The following IQCM variants were observed in gnomAD, a reference collection of about 807,000 sequenced individuals.
IQCM encodes the protein IQ domain-containing protein M.
IQCM carries 45 observed loss-of-function variants against 57.6 expected under a neutral mutation model. That is an observed-to-expected ratio of 0.78 (90% CI 0.62 to 1.00). The LOEUF is 1.00. IQCM is among the 50% of genes least tolerant of loss of function. The probability of loss-of-function intolerance (pLI) is 0.00; values close to 1 mark genes in which losing one functional copy is unlikely to be tolerated. For missense variants in IQCM, 468 were observed against 511.6 expected (o/e 0.91, Z 0.82); for synonymous variants, 148 against 158.9 (o/e 0.93, Z 0.51).
At position 149,686,634 on chromosome 4, in the gene IQCM, C is replaced by T. The variant is rs527986922; in HGVS notation, c.386-166G>A. Reference sequence around the variant, plus strand: ...AATCACAGCTGAGTAGTTTTCTTCACTCCATGCTACTCAGATGCTTTGCAA... The same window carrying T: ...AATCACAGCTGAGTAGTTTTCTTCATTCCATGCTACTCAGATGCTTTGCAA... On this transcript the variant is annotated intron_variant, in intron 5 of 13. Transcript: ENST00000636793. Among the ~76,000 whole-genome samples the T allele has an allele frequency of 2.2e-4, 34 of 151,634 alleles. 1 individual carries two copies. The South Asian group carries it at 7.1e-3, about 31-fold the overall frequency.
intron 13 of IQCM, among the ~76,000 whole-genome samples, chr4:149,421,734 A>C (rs1313690036): frequency 6.6e-6 from 1 of 152,022 alleles, no homozygotes; most frequent in Non-Finnish European, 1.5e-5. Context: ...ATTTATATAA[A>C]AATCTATGCT....
At chr4:149,503,688 TA>T (rs1053978564) in intron 12 of IQCM, among the ~76,000 whole-genome samples, 1 of 152,118 alleles carries the variant, frequency 6.6e-6, no homozygotes, top group Non-Finnish European at 1.5e-5. Flanking sequence ...ACTAAATGAC[TA>T]AAATATTAAA....
At chr4:149,415,306 A>G (rs1343847964) in intron 13 of IQCM, among the ~76,000 whole-genome samples, 1 of 152,214 alleles carries the variant, frequency 6.6e-6, no homozygotes, top group Non-Finnish European at 1.5e-5. Context: ...ACTATATGAA[A>G]GAGAACCTGC....
intron 7 of IQCM, among the ~76,000 whole-genome samples, chr4:149,673,768 C>T (rs368328358): frequency 3.3e-5 from 5 of 152,134 alleles, no homozygotes; most frequent in East Asian, 3.9e-4. Flanking sequence ...CTGCACCAAG[C>T]GGAACTAATA....
At chr4:149,712,635 C>T (rs1394160259) in intron 5 of IQCM, among the ~76,000 whole-genome samples, 1 of 152,142 alleles carries the variant, frequency 6.6e-6, no homozygotes, top group Non-Finnish European at 1.5e-5. Flanking sequence ...TCTCTGCCTT[C>T]TAAAGGCTTA....
At chr4:149,486,024 TCTC>T (rs1405615873) in intron 12 of IQCM, among the ~76,000 whole-genome samples, 5 of 111,372 alleles carry the variant, frequency 4.5e-5, no homozygotes, top group African/African-American at 1.1e-4. Context: ...AGAGTCTCTC[TCTC>T]TCTCTCTCTC....
intron 9 of IQCM, among the ~76,000 whole-genome samples, chr4:149,566,370 G>A (rs1750632520): frequency 6.6e-6 from 1 of 152,170 alleles, no homozygotes; most frequent in East Asian, 1.9e-4. Flanking sequence ...TATGTGTGAT[G>A]GTAGGGTGAT....
At chr4:149,521,043 T>C (rs1242105423) in intron 12 of IQCM, among the ~76,000 whole-genome samples, 2 of 152,166 alleles carry the variant, frequency 1.3e-5, no homozygotes, top group African/African-American at 4.8e-5. Context: ...CCCACTCTTT[T>C]CTGCAGTTTC....
Position 149,391,620 on chromosome 4 carries a change from T to C in IQCM, c.1391-39554A>G, listed in dbSNP as rs377153367. Among the ~76,000 whole-genome samples, 38 of 152,136 alleles carry C rather than the reference T, an allele frequency of 2.5e-4. No individual in the cohort carries two copies. The South Asian group carries it at 7.9e-3, about 32-fold the overall frequency. The stretch of plus-strand genomic sequence containing the variant: ...CTTGAAATCTTTTTAAATGTAGGCA[T>C]CTGTGGTTATATAAATTTTCCTCTA... On this transcript the variant is annotated intron_variant, in intron 13 of 13. Transcript: ENST00000636793.
At chr4:149,694,859 G>A (rs976966349) in intron 5 of IQCM, among the ~76,000 whole-genome samples, 2 of 152,042 alleles carry the variant, frequency 1.3e-5, no homozygotes, top group African/African-American at 2.4e-5. Context: ...GTTTTCATTC[G>A]AACAATGAGA....
intron 8 of IQCM, among the ~76,000 whole-genome samples, chr4:149,601,358 T>C (rs936526468): frequency 2.0e-5 from 3 of 152,152 alleles, no homozygotes; most frequent in Non-Finnish European, 2.9e-5. Context: ...AGCCAGCATG[T>C]AGGTAAACTT....
chr4:149,658,755 T>C (rs1319586345), intron 7 of IQCM, among the ~76,000 whole-genome samples: 1 of 152,116 alleles, frequency 6.6e-6, no homozygotes, highest in Non-Finnish European at 1.5e-5. Flanking sequence ...TGGAATTGTT[T>C]CCTTGAGTTC....
chr4:149,779,816 T>G (rs1371175817), intron 2 of IQCM, among the ~76,000 whole-genome samples: 1 of 152,164 alleles, frequency 6.6e-6, no homozygotes, highest in Non-Finnish European at 1.5e-5. Flanking sequence ...AAACCCTGAA[T>G]TGGCACTGGC....
chr4:149,605,390 A>C (rs538006084), intron 8 of IQCM, among the ~76,000 whole-genome samples: 1 of 152,300 alleles, frequency 6.6e-6, no homozygotes, highest in East Asian at 1.9e-4. Flanking sequence ...TGGTTTAGGA[A>C]GTGGCATGTT....
intron 3 of IQCM, among the ~76,000 whole-genome samples, chr4:149,739,920 G>T (rs1767297705): frequency 6.6e-6 from 1 of 152,098 alleles, no homozygotes; most frequent in Non-Finnish European, 1.5e-5. Flanking sequence ...TACTTTAGAG[G>T]TTCTACATAG....
At chr4:149,451,782 C>T (rs1056245812) in intron 12 of IQCM, among the ~76,000 whole-genome samples, 1 of 151,726 alleles carries the variant, frequency 6.6e-6, no homozygotes, top group Admixed American at 6.6e-5. Context: ...TAGCCAACAT[C>T]ATATGTAATG....
At chr4:149,634,806 G>A (rs1757588580) in intron 7 of IQCM, among the ~76,000 whole-genome samples, 1 of 152,096 alleles carries the variant, frequency 6.6e-6, no homozygotes, top group Non-Finnish European at 1.5e-5. Flanking sequence ...TTTTGATTGT[G>A]CTTTAAAAAG....
chr4:149,692,756 C>G (rs1304938539), intron 5 of IQCM, among the ~76,000 whole-genome samples: 2 of 152,150 alleles, frequency 1.3e-5, no homozygotes, highest in Non-Finnish European at 2.9e-5. Flanking sequence ...CCAATTATAA[C>G]ATCTCTGAAT....
At chr4:149,374,198 T>C (rs1290457017) in intron 13 of IQCM, among the ~76,000 whole-genome samples, 1 of 152,154 alleles carries the variant, frequency 6.6e-6, no homozygotes, top group Non-Finnish European at 1.5e-5. Context: ...TCTGAGTCAT[T>C]TCTGGAGGCC....
Sources: allele counts gnomAD v4.1 joint callset (sites outside exome capture counted in the v4.1 genomes callset), GRCh38; gene constraint gnomAD v4.1.1; transcripts MANE v1.5; gene names NCBI Gene and HGNC (gene_info 2026-07-23, HGNC 2026-07-21).